Variants in PLA2R1 observed in about 807,000 individuals in gnomAD.
PLA2R1 encodes secretory phospholipase A2 receptor.
PLA2R1 carries 158 observed loss-of-function variants against 195.9 expected under a neutral mutation model. The ratio of observed to expected loss-of-function variants is 0.81; its 90% CI spans 0.71 to 0.92. PLA2R1 has a LOEUF of 0.92. Among genes scored for constraint, PLA2R1 ranks in the 40% least tolerant of loss-of-function variants. The pLI, the probability that PLA2R1 is intolerant of heterozygous loss-of-function variation, is 0.00. For missense variants in PLA2R1, 1,626 were observed against 1,764.6 expected, an observed-to-expected ratio of 0.92 and a Z score of 1.41; for synonymous variants, 586 against 598.2, an observed-to-expected ratio of 0.98 and a Z score of 0.30.
chr2:159,931,647 C>G (rs1387537539), downstream of PLA2R1, among the ~76,000 whole-genome samples: 1 of 152,176 alleles, frequency 6.6e-6, no homozygotes, highest in Non-Finnish European at 1.5e-5. Context: ...TCAATCTCCC[C>G]CGGCTCAGCC....
rs767391090 is a variant in PLA2R1, at chr2:159,970,160, T to G, written c.2648A>C (p.Asn883Thr). 5 of 1,605,754 alleles carry G rather than the reference T, an allele frequency of 3.1e-6. No individual in the cohort carries two copies. In the South Asian group the frequency reaches 4.4e-5, roughly 14 times the overall value. Residue 883 changes from asparagine to threonine, a missense_variant, in exon 18 of 30, where the codon AAT becomes ACT. Physicochemically the swap from Asn to Thr is moderately conservative, Grantham distance 65. Transcript: ENST00000283243. Reference protein sequence around the residue: ...WWIGLQEERANDEFRWRDGTP... With the variant: ...WWIGLQEERATDEFRWRDGTP... ...TCTAGGTTCATACCGAAATTCATCA[T>G]TGGCTCTTTCTTCTTGAAGTCCAAT... is the stretch of plus-strand genomic sequence containing the variant.
chr2:159,985,227 T>G (rs900296316), intron 12 of PLA2R1, among the ~76,000 whole-genome samples: 1 of 152,212 alleles, frequency 6.6e-6, no homozygotes, highest in Admixed American at 6.5e-5. Flanking sequence ...CGAGGCCACT[T>G]TTGGGCCTAT....
rs548607274 is a variant in PLA2R1 at position 160,062,494 on chromosome 2, G to T, written c.-91C>A. Reference sequence around the variant, plus strand: ...CGCGTCCCAAGCACCCGGCCCCGCCGCGCGGAAGCGGATCCGTAGCCTCCT... The same window carrying T: ...CGCGTCCCAAGCACCCGGCCCCGCCTCGCGGAAGCGGATCCGTAGCCTCCT... On this transcript the variant is annotated 5_prime_UTR_variant, in exon 1 of 30. Coordinates refer to ENST00000283243, the MANE Select transcript of PLA2R1 (RefSeq NM_007366.5). The T allele has an allele frequency of 2.8e-3, 4,014 of 1,428,250 alleles. 10 individuals carry two copies. The highest frequency in any genetic ancestry group is 4.9e-3 in the South Asian group (330 of 67,106). 88.5% of individuals were successfully genotyped at this position (1,428,250 alleles called of 1,614,324 possible). A position where few individuals can be genotyped will look rare whatever the true frequency, so the allele number is the denominator to read the frequency against.
chr2:160,031,928 G>A (rs560074660), intron 4 of PLA2R1, among the ~76,000 whole-genome samples: 11 of 152,172 alleles, frequency 7.2e-5, no homozygotes, highest in African/African-American at 2.4e-4. Flanking sequence ...CACCACGTCC[G>A]GCAAATTTTT....
chr2:160,028,125 A>G (rs769225892), intron 6 of PLA2R1, 93 bp downstream of exon 6: 2 of 790,614 alleles, frequency 2.5e-6, no homozygotes, highest in Non-Finnish European at 4.1e-6. Flanking sequence ...CTAAGTTTAC[A>G]TTATGAATTA....
At chr2:160,057,715 A>G (rs1695651268) in intron 1 of PLA2R1, among the ~76,000 whole-genome samples, 1 of 152,132 alleles carries the variant, frequency 6.6e-6, no homozygotes, top group Non-Finnish European at 1.5e-5. Flanking sequence ...CTGGACTCTC[A>G]GCCTCTTGGG....
At chr2:159,926,648 G>T in the PLA2R1 span, among the ~76,000 whole-genome samples, 4 of 152,298 alleles carry the variant, frequency 2.6e-5, no homozygotes, top group Middle Eastern at 0.01. Context: ...ATAAGTAGGG[G>T]CTCTCCAGGA....
intron 1 of PLA2R1, among the ~76,000 whole-genome samples, chr2:160,053,866 C>T (rs890824215): frequency 3.3e-5 from 5 of 152,210 alleles, no homozygotes; most frequent in Non-Finnish European, 7.3e-5. Context: ...GGACATCATG[C>T]GCAGCACACA....
At chr2:159,970,087 A>C in intron 18 of PLA2R1, 61 bp downstream of exon 18, 1 of 1,083,412 alleles carries the variant, frequency 9.2e-7, no homozygotes, top group Non-Finnish European at 1.4e-6. Flanking sequence ...AATTGAATCT[A>C]ATCATTCTGC....
chr2:160,032,536 C>A (rs906770767), intron 4 of PLA2R1, among the ~76,000 whole-genome samples: 5 of 152,094 alleles, frequency 3.3e-5, no homozygotes, highest in Non-Finnish European at 4.4e-5. Context: ...TTGGGACCCA[C>A]CAGAAGGCCT....
At chr2:159,981,565 C>G (rs1008973233) in intron 13 of PLA2R1, among the ~76,000 whole-genome samples, 2 of 152,044 alleles carry the variant, frequency 1.3e-5, no homozygotes, top group African/African-American at 4.8e-5. Flanking sequence ...GCCACTACAC[C>G]TGGCTAATTT....
rs1200269308 is a variant in PLA2R1, at chr2:159,933,353, T to A, written c.*8425A>T. The stretch of plus-strand genomic sequence containing the variant: ...CAGAATTTCAGATTTAGGCACATTT[T>A]AAACTTTTTCTCTAAAAATATTCTG... On this transcript the variant is annotated 3_prime_UTR_variant, in exon 30 of 30. Coordinates refer to ENST00000283243, the MANE Select transcript of PLA2R1 (RefSeq NM_007366.5). 1.3e-5 allele frequency: 2 copies of A among 152,322 alleles called. No homozygotes were observed. The highest frequency in any genetic ancestry group is 3.9e-4 in the East Asian group (2 of 5,194). 9.4% of individuals were successfully genotyped at this position (152,322 alleles called of 1,614,324 possible).
At chr2:160,024,923 C>A (rs996093383) in intron 6 of PLA2R1, among the ~76,000 whole-genome samples, 1 of 152,150 alleles carries the variant, frequency 6.6e-6, no homozygotes, top group Admixed American at 6.5e-5. Flanking sequence ...CTTGCTGCTA[C>A]TGAACCTGAC....
the PLA2R1 span, among the ~76,000 whole-genome samples, chr2:159,924,199 A>C: frequency 2.6e-5 from 4 of 152,070 alleles, no homozygotes; most frequent in Non-Finnish European, 5.9e-5. Flanking sequence ...TGCATGTTGA[A>C]TCTCCCTCTG....
intron 11 of PLA2R1, among the ~76,000 whole-genome samples, chr2:160,003,828 T>C (rs1478778066): frequency 6.6e-6 from 1 of 152,198 alleles, no homozygotes; most frequent in Non-Finnish European, 1.5e-5. Context: ...TTTCACCCAA[T>C]GTCCTTCAAC....
At chr2:159,952,149 G>A (rs1381716025) in intron 23 of PLA2R1, among the ~76,000 whole-genome samples, 1 of 152,158 alleles carries the variant, frequency 6.6e-6, no homozygotes. Context: ...AATACACACT[G>A]TTCTTATAAA....
At chr2:159,927,197 A>T (rs1686517215), downstream of PLA2R1, among the ~76,000 whole-genome samples, 1 of 152,222 alleles carries the variant, frequency 6.6e-6, no homozygotes, top group South Asian at 2.1e-4. Context: ...TATTTGATAT[A>T]CATGTCACCA....
rs562384895 is a variant in PLA2R1 at position 159,970,883 on chromosome 2, A to G, written c.2596-671T>C. ...AACCAAACACCGCATGTTCTCACTC[A>G]TAAGTGGGAGCTGAACAATGAGAAC... On this transcript the variant is annotated intron_variant, in intron 17 of 29. Transcript: ENST00000283243. Among the ~76,000 whole-genome samples the G allele has an allele frequency of 8.8e-5, 13 of 148,184 alleles. No individual in the cohort carries two copies. The South Asian group carries it at 2.9e-3, about 33-fold the overall frequency.
intron 11 of PLA2R1, among the ~76,000 whole-genome samples, chr2:160,004,171 T>C (rs559436122): frequency 1.3e-5 from 2 of 152,344 alleles, no homozygotes; most frequent in Admixed American, 6.5e-5. Flanking sequence ...CACTTCTCTA[T>C]AATTAGAGCA....
Sources: gnomAD v4.1 joint callset for allele counts (sites outside exome capture counted in the v4.1 genomes callset) on GRCh38, gnomAD v4.1.1 for gene constraint, MANE v1.5 for transcripts, NCBI Gene and HGNC (gene_info 2026-07-23, HGNC 2026-07-21) for gene names.